Variants in WDR44 observed in about 807,000 individuals in gnomAD.
WDR44 encodes WD repeat domain 44.
In WDR44, 9 loss-of-function variants were observed where a neutral mutation model predicts 65.7. The ratio of observed to expected loss-of-function variants is 0.14; its 90% CI spans 0.08 to 0.24. The LOEUF (loss-of-function observed/expected upper bound fraction) is 0.24. Ranked by LOEUF, WDR44 falls within the 10% of genes least tolerant of loss-of-function variation. WDR44 has a pLI of 1.00. For synonymous variants in WDR44, 220 were observed against 235.2 expected, an observed-to-expected ratio of 0.94 and a Z score of 0.59; for missense variants, 425 against 670.9, an observed-to-expected ratio of 0.63 and a Z score of 4.05.
intron 1 of WDR44, among the ~76,000 whole-genome samples, chrX:118,365,209 TTGTC>T (rs778879891): frequency 1.1e-4 from 12 of 112,427 alleles, no homozygotes; most frequent in South Asian, 3.6e-4. Context: ...ATCACAGTCT[TTGTC>T]TGAGCAATCA....
chrX:118,380,566 A>G (rs946266881), intron 2 of WDR44, among the ~76,000 whole-genome samples: 1 of 112,046 alleles, frequency 8.9e-6, no homozygotes, highest in Non-Finnish European at 1.9e-5. Flanking sequence ...GCTGAGTAGT[A>G]TTATATGATA....
intron 8 of WDR44, among the ~76,000 whole-genome samples, chrX:118,400,326 A>G (rs1293266787): frequency 9.0e-6 from 1 of 111,384 alleles, no homozygotes; most frequent in Non-Finnish European, 1.9e-5. Context: ...AATGCATTAG[A>G]AAGGCTCTGA....
rs755281809 is a variant in WDR44, at chrX:118,404,307, C to T, written c.1275-31C>T. 7 of 1,069,292 alleles carry T rather than the reference C, an allele frequency of 6.5e-6. No individual in the cohort carries two copies. In the South Asian group the frequency reaches 1.2e-4, roughly 18 times the overall value. 88.1% of individuals were successfully genotyped at this position (1,069,292 alleles called of 1,213,427 possible). ...CAAATTATTGGACTTTTACAGTTAA[C>T]TGAGTTGATACTTTTTTCATTTTTG... On this transcript the variant is annotated intron_variant, in intron 8 of 19. Coordinates refer to ENST00000254029, the MANE Select transcript of WDR44 (RefSeq NM_019045.5).
intron 10 of WDR44, 105 bp from the exon 11 acceptor site, chrX:118,409,384 C>T (rs2147720141): frequency 1.1e-6 from 1 of 886,266 alleles, no homozygotes; most frequent in Non-Finnish European, 1.6e-6. Flanking sequence ...CCTGCCTCAG[C>T]CTCCCAAAGT....
In WDR44 at chrX:118,441,367, G is replaced by C; in HGVS notation, c.1975-1G>C. Reference sequence around the variant, plus strand: ...AACTTTCTCTGTTGCCACCTCTTTAGGATGACAGGTATTTTCTAAGTGGGT... The same window carrying C: ...AACTTTCTCTGTTGCCACCTCTTTACGATGACAGGTATTTTCTAAGTGGGT... On this transcript the variant is annotated splice_acceptor_variant, in intron 14 of 19. Transcript: ENST00000254029. LOFTEE classifies it high-confidence loss of function. 8.4e-7 allele frequency: 1 copy of C among 1,194,893 alleles called. No individual in the cohort carries two copies.
At chrX:118,394,565 CTT>C (rs149485055) in intron 5 of WDR44, among the ~76,000 whole-genome samples, 1 of 104,643 alleles carries the variant, frequency 9.6e-6, no homozygotes, top group Non-Finnish European at 2.0e-5. Context: ...GAATTGAAGA[CTT>C]TTTTTTTTTA....
At position 118,394,044 on chromosome X, in the gene WDR44, T is replaced by C. The variant is rs1556079751; in HGVS notation, c.827-11T>C. ...GGGTTGTTATTATTGTTGTTATTAT[T>C]ATCATTGCAGTTCCCAAAGAGAATA... On this transcript the variant is annotated splice_polypyrimidine_tract_variant and intron_variant, in intron 4 of 19. Coordinates refer to ENST00000254029, the MANE Select transcript of WDR44 (RefSeq NM_019045.5). 27 of 1,199,653 alleles carry C rather than the reference T, an allele frequency of 2.3e-5. No individual in the cohort carries two copies. The South Asian group carries it at 4.5e-4, about 20-fold the overall frequency.
At chrX:118,368,096 G>A (rs1470754460) in intron 1 of WDR44, among the ~76,000 whole-genome samples, 1 of 111,679 alleles carries the variant, frequency 9.0e-6, no homozygotes, top group African/African-American at 3.3e-5. Context: ...GGTTTAGCAA[G>A]TTCCAAAGTG....
chrX:118,363,325 C>T (rs1474824362), intron 1 of WDR44, among the ~76,000 whole-genome samples: 4 of 100,654 alleles, frequency 4.0e-5, no homozygotes, highest in African/African-American at 7.3e-5. Context: ...TTGCTTGAAC[C>T]GGGAGGTGGA....
intron 12 of WDR44, among the ~76,000 whole-genome samples, chrX:118,425,723 A>G (rs1414755028): frequency 8.9e-6 from 1 of 112,298 alleles, no homozygotes; most frequent in Non-Finnish European, 1.9e-5. Flanking sequence ...TACATATTGT[A>G]TGTGCTAATG....
At chrX:118,366,205 C>T (rs1168779488) in intron 1 of WDR44, among the ~76,000 whole-genome samples, 1 of 111,813 alleles carries the variant, frequency 8.9e-6, no homozygotes, top group Non-Finnish European at 1.9e-5. Context: ...ATTATAATAA[C>T]GTATACTTAT....
At chrX:118,389,428 T>C (rs1398128459) in intron 3 of WDR44, among the ~76,000 whole-genome samples, 2 of 111,489 alleles carry the variant, frequency 1.8e-5, no homozygotes, top group Admixed American at 1.9e-4. Context: ...GCATAAGATT[T>C]GGACAGGCTA....
intron 1 of WDR44, among the ~76,000 whole-genome samples, chrX:118,368,483 T>TATATATATATATATATA (rs1569359132): frequency 2.3e-5 from 2 of 87,632 alleles, no homozygotes; most frequent in African/African-American, 9.9e-5. Flanking sequence ...ATATATATAC[T>TATATATATATATATATA]TCTTGAGGAC....
intron 9 of WDR44, among the ~76,000 whole-genome samples, chrX:118,405,546 C>T (rs916415017): frequency 2.7e-5 from 3 of 110,274 alleles, no homozygotes; most frequent in Non-Finnish European, 5.7e-5. Flanking sequence ...CACCATGTTG[C>T]CCAAGCTGGT....
chrX:118,446,892 C>T lies in WDR44; in HGVS notation c.2648-2001C>T, dbSNP rs190385996. Among the ~76,000 whole-genome samples the T allele has an allele frequency of 6.0e-3, 662 of 109,778 alleles. 12 individuals are homozygous for T. The highest frequency in any genetic ancestry group is 0.02 in the African/African-American group (613 of 30,158). On this transcript the variant is annotated intron_variant, in intron 19 of 19. Transcript: ENST00000254029. Reference sequence around the variant, plus strand: ...TATGAATGAATGAATGAATGAATGACATGGTGTCGCTCTGTTGCCCTGGCT... The same window carrying T: ...TATGAATGAATGAATGAATGAATGATATGGTGTCGCTCTGTTGCCCTGGCT...
chrX:118,372,616 T>G (rs770483357), intron 1 of WDR44, among the ~76,000 whole-genome samples: 305 of 110,782 alleles, frequency 2.8e-3, no homozygotes, highest in Admixed American at 9.0e-3. Flanking sequence ...AAGTTCAAAA[T>G]AAGATTATGT....
At chrX:118,430,807 C>T (rs1569382437) in intron 12 of WDR44, among the ~76,000 whole-genome samples, 2 of 111,992 alleles carry the variant, frequency 1.8e-5, no homozygotes, top group Non-Finnish European at 3.8e-5. Context: ...TGCCATTGCA[C>T]TCCAGCCTAG....
chrX:118,430,438 A>G (rs2057199694), intron 12 of WDR44, among the ~76,000 whole-genome samples: 1 of 107,915 alleles, frequency 9.3e-6, no homozygotes, highest in African/African-American at 3.4e-5. Flanking sequence ...GCTACTCAGG[A>G]GGCTGAGGCA....
At chrX:118,432,928 C>A in intron 13 of WDR44, 34 bp downstream of exon 13, 1 of 1,130,575 alleles carries the variant, frequency 8.8e-7, no homozygotes, top group South Asian at 1.8e-5. Context: ...TATAGTAATT[C>A]TGCGTATAAG....
Sources: allele counts gnomAD v4.1 joint callset (sites outside exome capture counted in the v4.1 genomes callset), GRCh38; gene constraint gnomAD v4.1.1; transcripts MANE v1.5; gene names NCBI Gene and HGNC (gene_info 2026-07-23, HGNC 2026-07-21).